Variants in ITGA2B observed in about 807,000 individuals in gnomAD.
ITGA2B encodes integrin subunit alpha 2b, also known as integrin alpha-IIb.
ITGA2B carries 91 observed loss-of-function variants against 142.0 expected under a neutral mutation model. The ratio of observed to expected loss-of-function variants is 0.64; its 90% confidence interval spans 0.54 to 0.76. The LOEUF (loss-of-function observed/expected upper bound fraction) is 0.76, where lower values mean the gene tolerates loss of function less well. Ranked by LOEUF, ITGA2B falls within the 30% of genes least tolerant of loss-of-function variation. The pLI, the probability that ITGA2B is intolerant of heterozygous loss-of-function variation, is 0.00. For synonymous variants in ITGA2B, 536 were observed against 567.2 expected (o/e 0.94, Z 0.78); for missense variants, 1,231 against 1,350.8 (o/e 0.91, Z 1.39).
At position 44,384,359 on chromosome 17, in the gene ITGA2B, C is replaced by A; in HGVS notation, c.848-5G>T. 1 of 1,613,724 alleles carries A rather than the reference C, an allele frequency of 6.2e-7. No individual in the cohort carries two copies. Among genetic ancestry groups the A allele is most frequent in the Non-Finnish European group, 8.5e-7 (1 of 1,179,932 alleles). ...TGGGGGCACCGACGACATATTCTGG[C>A]GATAGGGAGAGCCAGGCTCAGGGAA... On this transcript the variant is annotated splice_polypyrimidine_tract_variant and splice_region_variant and intron_variant, in intron 8 of 29. Coordinates refer to ENST00000262407, the MANE Select transcript of ITGA2B (RefSeq NM_000419.5).
At position 44,374,706 on chromosome 17, in the gene ITGA2B, G is replaced by A; in HGVS notation, c.2896C>T (p.Leu966Phe). 6.2e-7 allele frequency: 1 copy of A among 1,614,130 alleles called. No individual in the cohort carries two copies. Among genetic ancestry groups the A allele is most frequent in the South Asian group, 1.1e-5 (1 of 91,088 alleles). ...CTGAGCGGGGGCACCGCATAGGGGA[G>A]GGAGGACACGTTGAACCATGCGTGC... ...QSHAWFNVSS[L>F]PYAVPPLSLP... The change falls in exon 28 of 30, where the codon CTC (leucine) becomes TTC (phenylalanine). Residue 966 changes from leucine (L) to phenylalanine (F), a missense_variant. Leu to Phe is a conservative substitution (Grantham distance 22). Coordinates refer to ENST00000262407, the MANE Select transcript of ITGA2B (RefSeq NM_000419.5).
At chr17:44,385,516 C>A (rs749500864) in intron 4 of ITGA2B, 35 bp downstream of exon 4, 60 of 1,537,446 alleles carry the variant, frequency 3.9e-5, no homozygotes, top group Non-Finnish European at 5.0e-5. Flanking sequence ...CAAGCCGTCG[C>A]GAGTGGGCGG....
intron 27 of ITGA2B, 80 bp from the exon 28 acceptor site, chr17:44,374,840 C>T (rs1175708563): frequency 3.7e-6 from 5 of 1,361,200 alleles, no homozygotes; most frequent in Non-Finnish European, 5.2e-6. Context: ...ACACCCCCGG[C>T]GGGGAAGCCC....
In ITGA2B at chr17:44,378,352, G is replaced by T. The variant is rs78830926; in HGVS notation, c.2094+10C>A. ...GGTCCCGGGTACTGTTCCCAGGGTG[G>T]GGGCCATACCTCGACATTGCTTAGG... is the stretch of plus-strand genomic sequence containing the variant. On this transcript the variant is annotated intron_variant, in intron 20 of 29. Coordinates refer to ENST00000262407, the MANE Select transcript of ITGA2B (RefSeq NM_000419.5). 516 of 1,607,780 alleles carry T rather than the reference G, an allele frequency of 3.2e-4. 2 individuals are homozygous for T. The African/African-American group carries it at 6.2e-3, about 19-fold the overall frequency.
Position 44,384,313 on chromosome 17 carries a change from C to G in ITGA2B, c.889G>C (p.Ala297Pro), listed in dbSNP as rs531610168. 3.1e-6 allele frequency: 5 copies of G among 1,613,344 alleles called. No homozygotes were observed. The South Asian group carries it at 4.4e-5, about 14-fold the overall frequency. The change falls in exon 9 of 30, where the codon GCG (alanine) becomes CCG (proline). Residue 297 changes from alanine (A) to proline (P), a missense_variant and splice_region_variant. Around this residue, in one of 3 missense-constraint regions of ITGA2B, gnomAD observed 908 missense variants for 1,021.1 expected, o/e 0.89. Coordinates refer to ENST00000262407, the MANE Select transcript of ITGA2B (RefSeq NM_000419.5). Reference protein sequence around the residue: ...GAPTWSWTLGAVEILDSYYQR... With the variant: ...GAPTWSWTLGPVEILDSYYQR... ...GGCCCAGTGGTGGGGGCACTTACCG[C>G]TCCCAGGGTCCAGCTCCAAGTGGGG...
In ITGA2B at chr17:44,384,524, A is replaced by T; in HGVS notation, c.847+14T>A. 2 of 1,614,022 alleles carry T rather than the reference A, an allele frequency of 1.2e-6. No homozygotes were observed. On this transcript the variant is annotated intron_variant, in intron 8 of 29. Coordinates refer to ENST00000262407, the MANE Select transcript of ITGA2B (RefSeq NM_000419.5). ...GCTGGGCTACCCAACTCCCGCCCTA[A>T]GTGGATTTCTTGCCTGTAGTGTTGA... is the stretch of plus-strand genomic sequence containing the variant.
Position 44,380,003 on chromosome 17 carries a change from C to A in ITGA2B, c.1751G>T (p.Arg584Leu). Residue 584 changes from arginine to leucine, a missense_variant and splice_region_variant, in exon 17 of 30, where the codon CGA becomes CTA. Transcript: ENST00000262407. ...TGCCAATCCCCTGCCTGGGCGTACT[C>A]GAAGGAAGGCCATGGTGGTGTGGCA... ...PICHTTMAFL[R>L]DEADFRDKLS... 6.2e-7 allele frequency: 1 copy of A among 1,613,358 alleles called. No homozygotes were observed. The highest frequency in any genetic ancestry group is 8.5e-7 in the Non-Finnish European group (1 of 1,180,028).
At chr17:44,374,890 C>T in intron 27 of ITGA2B, 108 bp downstream of exon 27, 1 of 1,266,222 alleles carries the variant, frequency 7.9e-7, no homozygotes, top group Non-Finnish European at 1.1e-6. Flanking sequence ...CCAAAGTAAA[C>T]CTTGCCTTCC....
chr17:44,376,477 A>T, intron 22 of ITGA2B, 89 bp from the exon 23 acceptor site: 1 of 1,185,648 alleles, frequency 8.4e-7, no homozygotes, highest in Non-Finnish European at 1.3e-6. Flanking sequence ...GAGAGTTCAG[A>T]GAGAGCTAAT....
chr17:44,374,941 G>T, intron 27 of ITGA2B, 57 bp downstream of exon 27: 1 of 1,400,554 alleles, frequency 7.1e-7, no homozygotes, highest in Non-Finnish European at 9.8e-7. Context: ...GCCCCTCCCA[G>T]AGCAAAGTGG....
In ITGA2B at chr17:44,374,369, G is replaced by A; in HGVS notation, c.3045C>T (p.Val1015=). The stretch of plus-strand genomic sequence containing the variant: ...CACACCTCACCTTCCACATGGCCAG[G>A]ACCAGGATGGTGAGCAGCAGCAGGC... ...LGGLLLLTIL[V]LAMWKVGFFK... Residue 1015 remains valine, a synonymous_variant, in exon 29 of 30, where the codon GTC becomes GTT. Coordinates refer to ENST00000262407, the MANE Select transcript of ITGA2B (RefSeq NM_000419.5). The A allele has an allele frequency of 6.2e-7, 1 of 1,614,014 alleles. No homozygotes were observed. The highest frequency in any genetic ancestry group is 1.3e-5 in the African/African-American group (1 of 74,998).
At chr17:44,372,677 G>A (rs1000213828) in intron 29 of ITGA2B, among the ~76,000 whole-genome samples, 1 of 152,042 alleles carries the variant, frequency 6.6e-6, no homozygotes, top group Non-Finnish European at 1.5e-5. Context: ...CACCCAGGCT[G>A]TAGTGTAGTG....
At position 44,381,016 on chromosome 17, in the gene ITGA2B, T is replaced by C. The variant is rs758258778; in HGVS notation, c.1256A>G (p.Gln419Arg). ...APYGGPSGRG[Q>R]VLVFLGQSEG... is the part of the protein sequence containing the mutation. ...ACTCTGACCCAGGAACACCAGCACT[T>C]GGCCCCGGCCACTGGGACCCCCGTA... Residue 419 changes from glutamine (Q) to arginine (R), a missense_variant, in exon 13 of 30, where the codon CAA (glutamine) becomes CGA (arginine). This residue lies in a region of ITGA2B where 908 missense variants were observed against 1,021.1 expected (regional missense o/e 0.89). Coordinates refer to ENST00000262407, the MANE Select transcript of ITGA2B (RefSeq NM_000419.5). 1 of 1,613,456 alleles carries C rather than the reference T, an allele frequency of 6.2e-7. No individual in the cohort carries two copies. Among genetic ancestry groups the C allele is most frequent in the Admixed American group, 1.7e-5 (1 of 59,958 alleles).
In ITGA2B at chr17:44,380,908, G is replaced by A. The variant is rs2048591131; in HGVS notation, c.1364C>T (p.Ala455Val). 1 of 1,614,224 alleles carries A rather than the reference G, an allele frequency of 6.2e-7. No homozygotes were observed. The highest frequency in any genetic ancestry group is 1.1e-5 in the South Asian group (1 of 91,090). The stretch of plus-strand genomic sequence containing the variant: ...GTATCCGTTGTCATCGATGTCTACG[G>A]CACCTCGAAGGGAGAAGCCAAAGGC... ...GSAFGFSLRG[A>V]VDIDDNGYPD... Residue 455 changes from alanine to valine, a missense_variant, in exon 13 of 30, where the codon GCC (alanine) becomes GTC (valine). By Grantham distance (64) the Ala-to-Val change is moderately conservative (BLOSUM62 0). Coordinates refer to ENST00000262407, the MANE Select transcript of ITGA2B (RefSeq NM_000419.5).
chr17:44,376,933 G>A, intron 22 of ITGA2B, 76 bp downstream of exon 22: 1 of 1,217,174 alleles, frequency 8.2e-7, no homozygotes, highest in Non-Finnish European at 1.2e-6. Flanking sequence ...CTTCTGTATG[G>A]AAGGGACCTG....
chr17:44,389,604 A>G lies in ITGA2B; in HGVS notation c.-131T>C. The G allele has an allele frequency of 9.7e-7, 1 of 1,025,902 alleles. No homozygotes were observed. The highest frequency in any genetic ancestry group is 1.5e-6 in the Non-Finnish European group (1 of 689,126). 63.5% of individuals were successfully genotyped at this position (1,025,902 alleles called of 1,614,324 possible). A position where few individuals can be genotyped will look rare whatever the true frequency, so the allele number is the denominator to read the frequency against. ...ACTTGCTGAGCAACGGGCAGAGCAA[A>G]GGGCTATAGCCCCTGGACTCATGGT... On this transcript the variant is annotated 5_prime_UTR_variant, in exon 1 of 30. Transcript: ENST00000262407.
Position 44,385,178 on chromosome 17 carries a change from C to G in ITGA2B, c.656G>C (p.Gly219Ala). The G allele has an allele frequency of 6.2e-7, 1 of 1,613,988 alleles. No individual in the cohort carries two copies. Among genetic ancestry groups the G allele is most frequent in the South Asian group, 1.1e-5 (1 of 91,080 alleles). Residue 219 changes from glycine (G) to alanine (A), a missense_variant, in exon 6 of 30, where the codon GGC becomes GCC. This residue lies in a region of ITGA2B where 318 missense variants were observed against 312.2 expected (regional missense o/e 1.02). Coordinates refer to ENST00000262407, the MANE Select transcript of ITGA2B (RefSeq NM_000419.5). ...AGELVLGAPG[G>A]YYFLGLLAQA... ...TGGGCACGTACCTAAGAAATAATAG[C>G]CGCCAGGAGCCCCAAGCACCAGCTC...
In ITGA2B at chr17:44,385,125, G is replaced by A. The variant is rs770940712; in HGVS notation, c.670+39C>T. On this transcript the variant is annotated intron_variant, in intron 6 of 29. Coordinates refer to ENST00000262407, the MANE Select transcript of ITGA2B (RefSeq NM_000419.5). ...GTGAAGCCCAAAGCGGTCTCCTTGG[G>A]CCGCGAGAAGGGAGGGAGGTGTACG... 10 of 1,613,980 alleles carry A rather than the reference G, an allele frequency of 6.2e-6. No homozygotes were observed. In the African/African-American group the frequency reaches 1.2e-4, roughly 19 times the overall value.
At chr17:44,375,301 G>A (rs2048531148) in intron 26 of ITGA2B, 190 bp from the exon 27 acceptor site, 2 of 656,432 alleles carry the variant, frequency 3.0e-6, no homozygotes, top group Admixed American at 4.7e-5. Context: ...TAGTCCCAGA[G>A]ATGCAGGGAG....
Sources: allele counts gnomAD v4.1 joint callset (sites outside exome capture counted in the v4.1 genomes callset), GRCh38; gene constraint gnomAD v4.1.1; regional missense constraint gnomAD v4.1.1; transcripts MANE v1.5; gene names NCBI Gene and HGNC (gene_info 2026-07-23, HGNC 2026-07-21).